The following DGKB variants were observed in gnomAD, a reference collection of about 807,000 sequenced individuals.
DGKB encodes the protein diacylglycerol kinase beta.
A neutral mutation model predicts 114.3 loss-of-function variants in DGKB; 67 were observed. That is an observed-to-expected ratio of 0.59 (90% CI 0.48 to 0.72). The LOEUF is 0.72. DGKB is among the 30% of genes least tolerant of loss of function. The pLI is 0.00. For missense variants in DGKB, 907 were observed against 975.2 expected, an observed-to-expected ratio of 0.93 and a Z score of 0.93; for synonymous variants, 398 against 323.1, an observed-to-expected ratio of 1.23 and a Z score of -2.49.
At chr7:14,484,896 C>T (rs1208264292) in intron 20 of DGKB, among the ~76,000 whole-genome samples, 1 of 151,960 alleles carries the variant, frequency 6.6e-6, no homozygotes, top group Non-Finnish European at 1.5e-5. Flanking sequence ...CTGAAATCCA[C>T]ATAAATTGGG....
chr7:14,240,723 ACT>A (rs961232287), intron 23 of DGKB, among the ~76,000 whole-genome samples: 6 of 152,062 alleles, frequency 3.9e-5, no homozygotes, highest in Non-Finnish European at 8.8e-5. Flanking sequence ...CTACCTTTCT[ACT>A]CTGACATCTT....
chr7:14,399,098 T>C (rs940276688), intron 21 of DGKB, among the ~76,000 whole-genome samples: 2 of 151,850 alleles, frequency 1.3e-5, no homozygotes, highest in Non-Finnish European at 2.9e-5. Context: ...TGTATCCGAG[T>C]TGAATTTTTA....
chr7:14,919,251 C>T (rs748655464), intron 1 of DGKB, among the ~76,000 whole-genome samples: 12 of 151,942 alleles, frequency 7.9e-5, no homozygotes, highest in Admixed American at 6.6e-5. Flanking sequence ...CAGGGCAGCA[C>T]GTTATTGACA....
chr7:14,707,044 G>T (rs920501237), intron 6 of DGKB, among the ~76,000 whole-genome samples: 2 of 150,296 alleles, frequency 1.3e-5, no homozygotes, highest in African/African-American at 4.9e-5. Context: ...TTTTTGAAAG[G>T]ATCAACAAAA....
chr7:14,627,274 G>C (rs1224023023), intron 14 of DGKB, among the ~76,000 whole-genome samples: 8 of 151,922 alleles, frequency 5.3e-5, no homozygotes, highest in Non-Finnish European at 1.5e-5. Flanking sequence ...TGGGAGACGG[G>C]GGACAACAAA....
chr7:14,957,240 T>C (rs938239524), intron 1 of DGKB, among the ~76,000 whole-genome samples: 1 of 151,936 alleles, frequency 6.6e-6, no homozygotes, highest in Non-Finnish European at 1.5e-5. Context: ...TAACAATCAT[T>C]TGTTTAAAAA....
intron 23 of DGKB, among the ~76,000 whole-genome samples, chr7:14,262,569 G>A (rs1182015455): frequency 1.3e-5 from 2 of 152,106 alleles, no homozygotes; most frequent in Non-Finnish European, 2.9e-5. Flanking sequence ...CCCAGTATGT[G>A]ATATTTTGTT....
intron 23 of DGKB, among the ~76,000 whole-genome samples, chr7:14,276,558 T>C (rs1029964072): frequency 3.3e-5 from 5 of 152,106 alleles, no homozygotes; most frequent in Non-Finnish European, 5.9e-5. Flanking sequence ...TTGTAGACTA[T>C]ACATCATATG....
At chr7:14,880,331 A>G (rs1188416401) in intron 1 of DGKB, among the ~76,000 whole-genome samples, 1 of 152,084 alleles carries the variant, frequency 6.6e-6, no homozygotes, top group Non-Finnish European at 1.5e-5. Context: ...GGTGGCATAC[A>G]CCTGTAGTCC....
intron 1 of DGKB, among the ~76,000 whole-genome samples, chr7:14,919,462 C>A (rs1261543190): frequency 6.6e-6 from 1 of 152,050 alleles, no homozygotes; most frequent in African/African-American, 2.4e-5. Context: ...TATACAGAGA[C>A]CTTACATGTT....
At position 14,206,710 on chromosome 7, in the gene DGKB, G is replaced by A. The variant is rs142282999; in HGVS notation, c.2123-28559C>T. ...ATACCCATAAAATAGGAATAGTGTC[G>A]TATATCCTGGTTGCCTCATTGGATT... On this transcript the variant is annotated intron_variant, in intron 23 of 25. Transcript: ENST00000402815. Among the ~76,000 whole-genome samples the A allele has an allele frequency of 4.0e-3, 607 of 152,110 alleles. 1 individual carries two copies. Among genetic ancestry groups the A allele is most frequent in the African/African-American group, 0.013 (545 of 41,512 alleles).
At position 14,819,438 on chromosome 7, in the gene DGKB, A is replaced by C. The variant is rs139904726; in HGVS notation, c.70+21756T>G. Reference sequence around the variant, plus strand: ...CCGTCTTTACAAAAAATACAAAAAAACATTGGCCAGTCATGGTGGCCTATG... The same window carrying C: ...CCGTCTTTACAAAAAATACAAAAAACCATTGGCCAGTCATGGTGGCCTATG... On this transcript the variant is annotated intron_variant, in intron 2 of 25. Transcript: ENST00000402815. 3.2e-3 allele frequency among the ~76,000 whole-genome samples: 481 copies of C among 152,138 alleles called. 9 individuals carry two copies. The highest frequency in any genetic ancestry group is 0.024 in the Admixed American group (370 of 15,278).
intron 17 of DGKB, among the ~76,000 whole-genome samples, chr7:14,599,211 C>T (rs557047412): frequency 6.6e-6 from 1 of 152,244 alleles, no homozygotes; most frequent in East Asian, 1.9e-4. Flanking sequence ...AATAGCAATA[C>T]TTAAAATACA....
chr7:14,304,075 A>T (rs1472052488), intron 23 of DGKB, among the ~76,000 whole-genome samples: 1 of 84,762 alleles, frequency 1.2e-5, no homozygotes, highest in African/African-American at 5.9e-5. Context: ...ACACACACAC[A>T]CACACACACA....
chr7:14,280,083 A>G, intron 23 of DGKB, among the ~76,000 whole-genome samples: 1 of 151,758 alleles, frequency 6.6e-6, no homozygotes, highest in Non-Finnish European at 1.5e-5. Context: ...GGACATTCAA[A>G]CCAAAGGCAA....
At chr7:14,701,155 C>T (rs9639212) in intron 7 of DGKB, among the ~76,000 whole-genome samples, 77,985 of 151,906 alleles carry the variant, frequency 0.51, 20,487 homozygotes, top group East Asian at 0.87. Flanking sequence ...GAATATTAAA[C>T]TGGATGAGAT....
chr7:14,685,214 G>T, intron 10 of DGKB, 31 bp downstream of exon 10: 1 of 1,423,334 alleles, frequency 7.0e-7, no homozygotes, highest in Non-Finnish European at 9.9e-7. Context: ...CACTTGAGGA[G>T]ATGATGTCCA....
At chr7:14,870,612 A>G (rs1055298169) in intron 1 of DGKB, among the ~76,000 whole-genome samples, 2 of 152,086 alleles carry the variant, frequency 1.3e-5, no homozygotes, top group East Asian at 1.9e-4. Context: ...CCTGACCAAC[A>G]TGGTGAAAGT....
At chr7:14,764,461 C>A (rs1359139441) in intron 2 of DGKB, among the ~76,000 whole-genome samples, 1 of 151,770 alleles carries the variant, frequency 6.6e-6, no homozygotes, top group Admixed American at 6.6e-5. Context: ...ATACTCAAAC[C>A]TGGATCCATA....
Sources: gnomAD v4.1 joint callset for allele counts (sites outside exome capture counted in the v4.1 genomes callset) on GRCh38, gnomAD v4.1.1 for gene constraint, MANE v1.5 for transcripts, NCBI Gene and HGNC (gene_info 2026-07-23, HGNC 2026-07-21) for gene names.